The following CELA2A variants were observed in gnomAD, a reference collection of about 807,000 sequenced individuals.
CELA2A encodes chymotrypsin like elastase 2A.
Under a neutral mutation model 35.3 loss-of-function variants are expected in CELA2A, and 31 were observed. The observed-to-expected ratio is 0.88, with a 90% CI of 0.66 to 1.19. The LOEUF is 1.19. Ranked by LOEUF, CELA2A falls within the 50% of genes most tolerant of loss-of-function variation. CELA2A has a pLI of 0.00. For synonymous variants in CELA2A, 150 were observed against 149.8 expected (o/e 1.00, Z -0.01); for missense variants, 330 against 352.9 (o/e 0.94, Z 0.52).
chr1:15,459,593 C>T (rs6429742), intron 2 of CELA2A, among the ~76,000 whole-genome samples: 1,581 of 152,272 alleles, frequency 0.01, 29 homozygotes, highest in African/African-American at 0.036. Context: ...CCCATAACAC[C>T]GGGCGCATTT....
intron 7 of CELA2A, 39 bp from the exon 8 acceptor site, chr1:15,471,951 G>A (rs200994382): frequency 1.9e-5 from 31 of 1,613,822 alleles, no homozygotes; most frequent in Middle Eastern, 1.7e-4. Context: ...ACAGCTCTGC[G>A]GTTAGGTGAA....
In CELA2A at chr1:15,463,500, C is replaced by T; in HGVS notation, c.471C>T (p.Val157=). 1 of 1,613,922 alleles carries T rather than the reference C, an allele frequency of 6.2e-7. No individual in the cohort carries two copies. The highest frequency in any genetic ancestry group is 1.3e-5 in the African/African-American group (1 of 75,036). The change falls in exon 5 of 8, where the codon GTC becomes GTT. Residue 157 remains valine (V), a synonymous_variant. Coordinates refer to ENST00000359621, the MANE Select transcript of CELA2A (RefSeq NM_033440.3). Reference sequence around the variant, plus strand: ...TACCCAACAACTACCCCTGCTACGTCACGGGCTGGGGAAGGCTGCAGAGTA... The same window carrying T: ...TACCCAACAACTACCCCTGCTACGTTACGGGCTGGGGAAGGCTGCAGAGTA... The part of the protein sequence containing the change: ...TILPNNYPCY[V]TGWGRLQTNG...
chr1:15,459,757 G>T (rs191677468), intron 2 of CELA2A, among the ~76,000 whole-genome samples: 71 of 152,154 alleles, frequency 4.7e-4, no homozygotes, highest in African/African-American at 1.7e-3. Flanking sequence ...GATCTAGCTG[G>T]GTGGGGACTC....
In CELA2A at chr1:15,472,067, A is replaced by T. The variant is rs1201603633; in HGVS notation, c.*60A>T. On this transcript the variant is annotated 3_prime_UTR_variant, in exon 8 of 8. Coordinates refer to ENST00000359621, the MANE Select transcript of CELA2A (RefSeq NM_033440.3). ...AAAGGTCACAGAAGGAAAATAATAT[A>T]ATAAAGTGACAACTATGCAAATCAC... The T allele has an allele frequency of 3.7e-6, 6 of 1,601,908 alleles. No individual in the cohort carries two copies. The highest frequency in any genetic ancestry group is 4.3e-6 in the Non-Finnish European group (5 of 1,169,114).
intron 6 of CELA2A, among the ~76,000 whole-genome samples, chr1:15,466,422 C>T (rs1708518960): frequency 1.3e-5 from 2 of 151,996 alleles, no homozygotes; most frequent in South Asian, 4.2e-4. Flanking sequence ...ATTAGCCGGG[C>T]ATGGTGGCAG....
At chr1:15,457,403 G>GA (rs1195488708) in intron 2 of CELA2A, 1 of 492,492 alleles carries the variant, frequency 2.0e-6, no homozygotes, top group African/African-American at 1.9e-5. Context: ...CCTGAAGTCA[G>GA]GAGTTTGAGA....
At chr1:15,461,978 T>C in intron 3 of CELA2A, 2 of 548,092 alleles carry the variant, frequency 3.6e-6, no homozygotes, top group Admixed American at 4.6e-5. Context: ...CTTAACTGAC[T>C]TCTCAAAGCT....
intron 2 of CELA2A, among the ~76,000 whole-genome samples, chr1:15,459,758 G>A (rs1489932130): frequency 6.6e-6 from 1 of 152,080 alleles, no homozygotes; most frequent in African/African-American, 2.4e-5. Context: ...ATCTAGCTGG[G>A]TGGGGACTCA....
intron 5 of CELA2A, among the ~76,000 whole-genome samples, chr1:15,464,070 A>G (rs113340056): frequency 0.012 from 1,874 of 152,184 alleles, 38 homozygotes; most frequent in African/African-American, 0.042. Flanking sequence ...AAGGCATAAT[A>G]ATAGCACCTA....
At chr1:15,468,259 C>T (rs576643786) in intron 7 of CELA2A, among the ~76,000 whole-genome samples, 1 of 152,184 alleles carries the variant, frequency 6.6e-6, no homozygotes, top group Non-Finnish European at 1.5e-5. Context: ...GGAAATTAGT[C>T]CACCTCAGGG....
At chr1:15,463,010 G>A in intron 4 of CELA2A, 149 bp downstream of exon 4, 1 of 1,230,980 alleles carries the variant, frequency 8.1e-7, no homozygotes, top group Non-Finnish European at 1.2e-6. Flanking sequence ...TGTGGAACCA[G>A]CTCCAAAGAT....
chr1:15,461,734 G>C (rs1302452857), intron 3 of CELA2A, 76 bp downstream of exon 3: 5 of 1,546,744 alleles, frequency 3.2e-6, no homozygotes, highest in Non-Finnish European at 4.5e-6. Context: ...CAAATGGCCT[G>C]AACCATGCTA....
chr1:15,467,239 A>G lies in CELA2A; in HGVS notation c.640-147A>G. On this transcript the variant is annotated intron_variant, in intron 6 of 7. Transcript: ENST00000359621. ...ATAAGTGTTGGCTCTTGTTGGAATT[A>G]TGGTACCACCTTGGGCTATGACCAC... 3 of 752,440 alleles carry G rather than the reference A, an allele frequency of 4.0e-6. No individual in the cohort carries two copies. In the South Asian group the frequency reaches 5.1e-5, roughly 13 times the overall value. 46.6% of individuals were successfully genotyped at this position (752,440 alleles called of 1,614,324 possible).
intron 2 of CELA2A, 54 bp downstream of exon 2, chr1:15,457,228 T>C (rs1029541033): frequency 4.7e-5 from 73 of 1,547,044 alleles, no homozygotes; most frequent in African/African-American, 3.7e-4. Flanking sequence ...CCTTTACATC[T>C]CCCCTTTGCC....
intron 7 of CELA2A, among the ~76,000 whole-genome samples, chr1:15,470,615 C>T (rs1299114874): frequency 1.3e-5 from 2 of 152,166 alleles, no homozygotes; most frequent in Admixed American, 1.3e-4. Flanking sequence ...GAGTCTCGCT[C>T]TGTCACCCAG....
At chr1:15,458,444 G>A (rs1351760537) in intron 2 of CELA2A, among the ~76,000 whole-genome samples, 2 of 152,092 alleles carry the variant, frequency 1.3e-5, no homozygotes, top group Admixed American at 1.3e-4. Context: ...ATTATTACAA[G>A]CATAATTGAT....
At chr1:15,467,303 A>G (rs757351967) in intron 6 of CELA2A, 83 bp from the exon 7 acceptor site, 6 of 1,425,766 alleles carry the variant, frequency 4.2e-6, no homozygotes, top group Non-Finnish European at 5.9e-6. Context: ...GCAGCAGAAC[A>G]ATAGAAATGC....
intron 1 of CELA2A, 35 bp downstream of exon 1, chr1:15,456,828 T>C: frequency 1.9e-6 from 3 of 1,614,016 alleles, no homozygotes; most frequent in Non-Finnish European, 2.5e-6. Context: ...TGGTTTCCCA[T>C]GCCCTGGTGG....
intron 2 of CELA2A, 95 bp from the exon 3 acceptor site, chr1:15,461,466 C>G (rs1227964462): frequency 4.3e-6 from 6 of 1,381,954 alleles, no homozygotes; most frequent in Middle Eastern, 2.5e-4. Flanking sequence ...CTCACTCCCC[C>G]TTACCCTTGT....
Sources: gnomAD v4.1 joint callset for allele counts (sites outside exome capture counted in the v4.1 genomes callset) on GRCh38, gnomAD v4.1.1 for gene constraint, MANE v1.5 for transcripts, NCBI Gene and HGNC (gene_info 2026-07-23, HGNC 2026-07-21) for gene names.